The following GIMAP2 variants were observed in gnomAD, a reference collection of about 807,000 sequenced individuals.
The protein encoded by GIMAP2 is GTPase, IMAP family member 2.
Under a neutral mutation model 25.5 loss-of-function variants are expected in GIMAP2, and 22 were observed. That is an observed-to-expected ratio of 0.86 (90% CI 0.62 to 1.23). GIMAP2 has a LOEUF of 1.23. Ranked by LOEUF, GIMAP2 falls within the 50% of genes most tolerant of loss-of-function variation. The probability of loss-of-function intolerance (pLI) is 0.00; values close to 1 mark genes in which losing one functional copy is unlikely to be tolerated. For missense variants in GIMAP2, 422 were observed against 395.7 expected, an observed-to-expected ratio of 1.07 and a Z score of -0.56; for synonymous variants, 167 against 143.0, an observed-to-expected ratio of 1.17 and a Z score of -1.20.
chr7:150,689,609 T>G (rs1466550331), intron 2 of GIMAP2: 5 of 696,916 alleles, frequency 7.2e-6, no homozygotes, highest in Non-Finnish European at 1.3e-5. Context: ...GCCTGCTTCC[T>G]TTTAAGTACA....
At chr7:150,691,241 G>A (rs2116506234) in intron 2 of GIMAP2, among the ~76,000 whole-genome samples, 1 of 152,284 alleles carries the variant, frequency 6.6e-6, no homozygotes, top group Non-Finnish European at 1.5e-5. Context: ...CCATGAACCT[G>A]CCCTAGACAA....
In GIMAP2 at chr7:150,693,631, T is replaced by C. The variant is rs191974231; in HGVS notation, c.*331T>C. On this transcript the variant is annotated 3_prime_UTR_variant, in exon 3 of 3. Transcript: ENST00000223293. ...AAAATGGCAATAAAATAATATTACA[T>C]AAACTGTAAAGTTCCTTTGATCATA... 5.2e-6 allele frequency: 1 copy of C among 191,596 alleles called. No homozygotes were observed. The highest frequency in any genetic ancestry group is 1.4e-4 in the East Asian group (1 of 7,078). 11.9% of individuals were successfully genotyped at this position (191,596 alleles called of 1,614,324 possible). A position where few individuals can be genotyped will look rare whatever the true frequency, so the allele number is the denominator to read the frequency against.
chr7:150,693,457 G>T lies in GIMAP2; in HGVS notation c.*157G>T, dbSNP rs1796992721. On this transcript the variant is annotated 3_prime_UTR_variant, in exon 3 of 3. Coordinates refer to ENST00000223293, the MANE Select transcript of GIMAP2 (RefSeq NM_015660.3). ...ATTAATGAACCAAATCATACGATAA[G>T]TTACTGTTTGCATTGAAATATAATA... The T allele has an allele frequency of 5.6e-6, 3 of 531,300 alleles. No individual in the cohort carries two copies. Among genetic ancestry groups the T allele is most frequent in the Non-Finnish European group, 9.8e-6 (3 of 306,870 alleles). 32.9% of individuals were successfully genotyped at this position (531,300 alleles called of 1,614,324 possible).
rs754363729 is a variant in GIMAP2, at chr7:150,692,421, G to A, written c.135G>A (p.Lys45=). The change falls in exon 3 of 3, where the codon AAG becomes AAA. Residue 45 remains lysine, a synonymous_variant. Coordinates refer to ENST00000223293, the MANE Select transcript of GIMAP2 (RefSeq NM_015660.3). ...KSAAGNSILR[K]QAFESKLGSQ... ...CTGCAGGGAACAGCATCCTCAGGAA[G>A]CAAGCATTTGAATCGAAGCTGGGTT... 6.8e-6 allele frequency: 11 copies of A among 1,614,226 alleles called. No individual in the cohort carries two copies. Among genetic ancestry groups the A allele is most frequent in the Non-Finnish European group, 8.5e-6 (10 of 1,180,032 alleles).
Position 150,693,177 on chromosome 7 carries a change from G to T in GIMAP2, c.891G>T (p.Leu297Phe). The T allele has an allele frequency of 6.2e-7, 1 of 1,613,434 alleles. No individual in the cohort carries two copies. The highest frequency in any genetic ancestry group is 8.5e-7 in the Non-Finnish European group (1 of 1,179,648). ...GCATACTGCACAGCATGTGCAATTT[G>T]TTTTGTTGCTTACTCTTTAGTATGT... Reference protein sequence around the residue: ...WLCILHSMCNLFCCLLFSMCN... With the variant: ...WLCILHSMCNFFCCLLFSMCN... Residue 297 changes from leucine (L) to phenylalanine (F), a missense_variant, in exon 3 of 3, where the codon TTG becomes TTT. Transcript: ENST00000223293.
intron 2 of GIMAP2, among the ~76,000 whole-genome samples, chr7:150,688,218 C>A (rs528194687): frequency 2.0e-5 from 3 of 152,268 alleles, no homozygotes; most frequent in African/African-American, 7.2e-5. Flanking sequence ...GCAACCTCTG[C>A]CTCTCAGGTT....
chr7:150,690,827 G>C (rs532100885), intron 2 of GIMAP2, among the ~76,000 whole-genome samples: 4 of 152,320 alleles, frequency 2.6e-5, no homozygotes, highest in Admixed American at 2.0e-4. Flanking sequence ...GCAATGGAAA[G>C]ACAATCTAAA....
intron 2 of GIMAP2, among the ~76,000 whole-genome samples, chr7:150,692,040 AC>A (rs1433723744): frequency 1.4e-5 from 2 of 148,136 alleles, no homozygotes; most frequent in Admixed American, 6.8e-5. Context: ...CCACGGTGAA[AC>A]CCTGTCTCTA....
Position 150,693,508 on chromosome 7 carries a change from A to G in GIMAP2, c.*208A>G, listed in dbSNP as rs945974336. On this transcript the variant is annotated 3_prime_UTR_variant, in exon 3 of 3. Coordinates refer to ENST00000223293, the MANE Select transcript of GIMAP2 (RefSeq NM_015660.3). ...TCAAAGCCTTTTGAAATCTGTAAAC[A>G]TAAAATTCCTCTCATTTTCAAATAT... The G allele has an allele frequency of 3.2e-5, 14 of 443,052 alleles. No homozygotes were observed. Among genetic ancestry groups the G allele is most frequent in the Non-Finnish European group, 4.8e-5 (12 of 252,392 alleles). The allele number at this position is 443,052 out of a possible 1,614,324, so 27.4% of individuals were successfully genotyped here.
Position 150,685,804 on chromosome 7 carries a change from A to G in GIMAP2, c.-9+19A>G. ...AAATCAGGTAAGCCCAGATTTACGA[A>G]AAGTTCTGCAGTGTTGATTTCTAGG... On this transcript the variant is annotated intron_variant, in intron 1 of 2. Coordinates refer to ENST00000223293, the MANE Select transcript of GIMAP2 (RefSeq NM_015660.3). 1.1e-6 allele frequency: 1 copy of G among 923,890 alleles called. No individual in the cohort carries two copies. Among genetic ancestry groups the G allele is most frequent in the Non-Finnish European group, 1.3e-6 (1 of 773,778 alleles). 57.2% of individuals were successfully genotyped at this position (923,890 alleles called of 1,614,324 possible).
intron 2 of GIMAP2, among the ~76,000 whole-genome samples, chr7:150,689,932 C>T (rs1796946922): frequency 8.3e-6 from 1 of 119,964 alleles, no homozygotes; most frequent in African/African-American, 3.2e-5. Context: ...CAAACCCTTT[C>T]CCTTTCTGAG....
rs1796910834 is a variant in GIMAP2 at position 150,687,086 on chromosome 7, G to A, written c.27G>A (p.Trp9Ter). 1 of 1,606,172 alleles carries A rather than the reference G, an allele frequency of 6.2e-7. No individual in the cohort carries two copies. The highest frequency in any genetic ancestry group is 8.5e-7 in the Non-Finnish European group (1 of 1,174,508). Residue 9 changes from tryptophan (W) to a stop codon, truncating the protein, a stop_gained and splice_region_variant, in exon 2 of 3, where the codon TGG becomes TGA. Transcript: ENST00000223293. LOFTEE classifies it high-confidence loss of function. MDQNEHSH[W>*]GPHAKGQCAS... ...TGGACCAAAATGAACACAGTCACTG[G>A]GGTAAGAAGGTGACTTCACGTGTGT...
chr7:150,692,353 C>T lies in GIMAP2; in HGVS notation c.67C>T (p.Leu23=). ...GGGCCAATGTGCCAGCAGATCTGAG[C>T]TGAGAATCATCCTGGTGGGCAAAAC... The part of the protein sequence containing the change: ...AKGQCASRSE[L]RIILVGKTGT... Residue 23 remains leucine, a synonymous_variant, in exon 3 of 3, where the codon CTG becomes TTG. Coordinates refer to ENST00000223293, the MANE Select transcript of GIMAP2 (RefSeq NM_015660.3). The T allele has an allele frequency of 3.1e-6, 5 of 1,614,116 alleles. No individual in the cohort carries two copies. The highest frequency in any genetic ancestry group is 4.2e-6 in the Non-Finnish European group (5 of 1,179,982).
chr7:150,689,998 T>TA (rs1237284276), intron 2 of GIMAP2, among the ~76,000 whole-genome samples: 1 of 152,214 alleles, frequency 6.6e-6, no homozygotes, highest in Admixed American at 6.5e-5. Context: ...TTAATAAGAG[T>TA]AAAATGTCTC....
At chr7:150,688,742 T>G (rs959499730) in intron 2 of GIMAP2, among the ~76,000 whole-genome samples, 5 of 152,072 alleles carry the variant, frequency 3.3e-5, no homozygotes, top group African/African-American at 1.2e-4. Flanking sequence ...TGAGTCCCAT[T>G]GTCCTTGCAG....
chr7:150,688,747 T>C (rs1796933555), intron 2 of GIMAP2, among the ~76,000 whole-genome samples: 1 of 152,170 alleles, frequency 6.6e-6, no homozygotes, highest in Non-Finnish European at 1.5e-5. Context: ...CCCATTGTCC[T>C]TGCAGTTGTC....
chr7:150,692,289 T>C (rs1302083651), intron 2 of GIMAP2, 26 bp from the exon 3 acceptor site: 1 of 1,605,030 alleles, frequency 6.2e-7, no homozygotes. Context: ...AGTGTAGCGA[T>C]AACACAGTAA....
chr7:150,689,110 A>T (rs895389770), intron 2 of GIMAP2, among the ~76,000 whole-genome samples: 3 of 152,196 alleles, frequency 2.0e-5, no homozygotes, highest in African/African-American at 4.8e-5. Flanking sequence ...AGCCTTCAAA[A>T]TTTAGAATTC....
In GIMAP2 at chr7:150,692,801, T is replaced by C; in HGVS notation, c.515T>C (p.Val172Ala). The change falls in exon 3 of 3, where the codon GTG (valine) becomes GCG (alanine). Residue 172 changes from valine to alanine, a missense_variant. Coordinates refer to ENST00000223293, the MANE Select transcript of GIMAP2 (RefSeq NM_015660.3). Reference protein sequence around the residue: ...DSDNKALSKLVAACGGRICAF... With the variant: ...DSDNKALSKLAAACGGRICAF... ...GATAACAAAGCCCTAAGCAAGCTGGTGGCAGCATGTGGTGGGCGAATCTGT... is the reference window on the plus strand; with the variant it reads ...GATAACAAAGCCCTAAGCAAGCTGGCGGCAGCATGTGGTGGGCGAATCTGT... The C allele has an allele frequency of 1.2e-6, 2 of 1,614,178 alleles. No homozygotes were observed. The highest frequency in any genetic ancestry group is 2.2e-5 in the South Asian group (2 of 91,084).
Sources: gnomAD v4.1 joint callset for allele counts (sites outside exome capture counted in the v4.1 genomes callset) on GRCh38, gnomAD v4.1.1 for gene constraint, MANE v1.5 for transcripts, NCBI Gene and HGNC (gene_info 2026-07-23, HGNC 2026-07-21) for gene names.